Variants in OXCT1 observed in about 807,000 individuals in gnomAD.
OXCT1 encodes the protein 3-oxoacid CoA-transferase 1, also known as succinyl-CoA:3-ketoacid coenzyme A transferase 1, mitochondrial.
A neutral mutation model predicts 69.6 loss-of-function variants in OXCT1; 27 were observed. The ratio of observed to expected loss-of-function variants is 0.39; its 90% CI spans 0.29 to 0.54. The LOEUF (loss-of-function observed/expected upper bound fraction) is 0.54, where lower values mean the gene tolerates loss of function less well. Ranked by LOEUF, OXCT1 falls within the 20% of genes least tolerant of loss-of-function variation. OXCT1 has a pLI of 0.72. For missense variants in OXCT1, 437 were observed against 650.2 expected (o/e 0.67, Z 3.57); for synonymous variants, 202 against 217.8 (o/e 0.93, Z 0.64).
chr5:41,864,832 A>G (rs1286879452), intron 1 of OXCT1, among the ~76,000 whole-genome samples: 12 of 152,072 alleles, frequency 7.9e-5, no homozygotes, highest in Non-Finnish European at 1.5e-5. Context: ...TGAGTGTTCT[A>G]TTTCTTCCTG....
intron 13 of OXCT1, among the ~76,000 whole-genome samples, chr5:41,786,461 C>T (rs1176700741): frequency 6.6e-6 from 1 of 152,160 alleles, no homozygotes; most frequent in Non-Finnish European, 1.5e-5. Flanking sequence ...ATATAACCTT[C>T]TTCAAATGCA....
intron 1 of OXCT1, among the ~76,000 whole-genome samples, chr5:41,868,216 T>G (rs1328772427): frequency 6.6e-6 from 1 of 152,228 alleles, no homozygotes; most frequent in African/African-American, 2.4e-5. Context: ...GTGGAAAAAC[T>G]CAAGGTTTCT....
At chr5:41,769,150 T>G (rs78760911) in intron 13 of OXCT1, among the ~76,000 whole-genome samples, 1 of 152,286 alleles carries the variant, frequency 6.6e-6, no homozygotes, top group East Asian at 1.9e-4. Flanking sequence ...TATTCCCATT[T>G]TAAAATTTAC....
intron 15 of OXCT1, 114 bp from the exon 16 acceptor site, chr5:41,739,605 C>T (rs1939607503): frequency 1.3e-6 from 1 of 757,974 alleles, no homozygotes; most frequent in Admixed American, 2.0e-5. Flanking sequence ...GTGGCTCAGG[C>T]CTATAATCCC....
rs546646302 is a variant in OXCT1 at position 41,782,219 on chromosome 5, C to CTT, written c.1248+11782_1248+11783dup. ...TTCTCTAATGATCAGTGATGTTGAG[C>CTT]TTTTTTTTTTTTTTAAATGGAGTCT... On this transcript the variant is annotated intron_variant, in intron 13 of 16. Transcript: ENST00000196371. Among the ~76,000 whole-genome samples the CTT allele has an allele frequency of 8.8e-5, 12 of 136,600 alleles. 1 individual carries two copies. Among genetic ancestry groups the CTT allele is most frequent in the South Asian group, 2.4e-4 (1 of 4,232 alleles). 89.6% of individuals were successfully genotyped at this position (136,600 alleles called of 152,430 possible).
At chr5:41,770,002 C>T (rs548425741) in intron 13 of OXCT1, among the ~76,000 whole-genome samples, 6 of 152,238 alleles carry the variant, frequency 3.9e-5, no homozygotes, top group African/African-American at 1.2e-4. Context: ...TCAGGTGATC[C>T]GCCTGCCTTG....
chr5:41,843,105 T>A (rs1254737174), intron 5 of OXCT1, among the ~76,000 whole-genome samples: 1 of 152,188 alleles, frequency 6.6e-6, no homozygotes, highest in African/African-American at 2.4e-5. Context: ...ATATTGAATG[T>A]GAAAAATAGT....
chr5:41,861,776 G>A (rs959149053), intron 2 of OXCT1, among the ~76,000 whole-genome samples: 7 of 152,112 alleles, frequency 4.6e-5, no homozygotes, highest in African/African-American at 1.7e-4. Context: ...TTGCATAGTT[G>A]GAAGCCTAAG....
chr5:41,866,895 A>G (rs1750005462), intron 1 of OXCT1, among the ~76,000 whole-genome samples: 1 of 152,220 alleles, frequency 6.6e-6, no homozygotes, highest in Non-Finnish European at 1.5e-5. Context: ...ACTTGTCAGG[A>G]CAGTGATTCC....
chr5:41,803,302 A>ATT, intron 9 of OXCT1, 139 bp from the exon 10 acceptor site: 2 of 620,674 alleles, frequency 3.2e-6, no homozygotes, highest in South Asian at 4.0e-5. Context: ...ATATTCTCCA[A>ATT]TCACCCATGG....
Position 41,840,339 on chromosome 5 carries a change from A to G in OXCT1, c.732+112T>C, listed in dbSNP as rs1182142513. The G allele has an allele frequency of 4.8e-6, 4 of 837,978 alleles. No individual in the cohort carries two copies. In the African/African-American group the frequency reaches 6.9e-5, roughly 14 times the overall value. The allele number at this position is 837,978 out of a possible 1,614,324, so 51.9% of individuals were successfully genotyped here. The stretch of plus-strand genomic sequence containing the variant: ...ATGGATCCATTTCCAAAACAAAAAA[A>G]AAAGCTGTCATTGTTATCCATAAAA... On this transcript the variant is annotated intron_variant, in intron 7 of 16. Transcript: ENST00000196371.
Position 41,788,051 on chromosome 5 carries a change from CA to C in OXCT1, c.1248+5951del, listed in dbSNP as rs371073371. Among the ~76,000 whole-genome samples the C allele has an allele frequency of 5.1e-4, 78 of 152,126 alleles. 2 individuals carry two copies. Among genetic ancestry groups the C allele is most frequent in the African/African-American group, 1.4e-3 (58 of 41,510 alleles). ...TAAAAAGATAGTCGAGTGTTTAGAG[CA>C]AAAATAATAGCGAAGTATAAGGTTT... On this transcript the variant is annotated intron_variant, in intron 13 of 16. Transcript: ENST00000196371.
intron 15 of OXCT1, among the ~76,000 whole-genome samples, chr5:41,741,600 C>T (rs1743173202): frequency 6.6e-6 from 1 of 152,104 alleles, no homozygotes; most frequent in Non-Finnish European, 1.5e-5. Context: ...TATGTGATGC[C>T]AGATCAAAGC....
chr5:41,759,223 G>T (rs891302928), intron 14 of OXCT1, among the ~76,000 whole-genome samples: 1 of 151,942 alleles, frequency 6.6e-6, no homozygotes, highest in Non-Finnish European at 1.5e-5. Context: ...TCAAATTCCA[G>T]CTCTGTCACT....
At chr5:41,829,076 T>C (rs981617940) in intron 7 of OXCT1, among the ~76,000 whole-genome samples, 1 of 152,162 alleles carries the variant, frequency 6.6e-6, no homozygotes, top group African/African-American at 2.4e-5. Flanking sequence ...CCACACTAGT[T>C]CAACAGGCTC....
chr5:41,866,894 G>C (rs548866769), intron 1 of OXCT1, among the ~76,000 whole-genome samples: 2 of 152,306 alleles, frequency 1.3e-5, no homozygotes, highest in South Asian at 4.1e-4. Flanking sequence ...TACTTGTCAG[G>C]ACAGTGATTC....
intron 13 of OXCT1, among the ~76,000 whole-genome samples, chr5:41,789,592 A>G (rs1008034466): frequency 1.3e-5 from 2 of 152,224 alleles, no homozygotes; most frequent in Non-Finnish European, 2.9e-5. Flanking sequence ...TTTAAGCTCA[A>G]GTCTGTCTAA....
rs114713832 is a variant in OXCT1, at chr5:41,748,854, C to T, written c.1419+673G>A. ...CAAGGTACTGAATCAAGAAAACACACCCTCCCAGCTGACTTAAAAGCAGTA... is the reference window on the plus strand; with the variant it reads ...CAAGGTACTGAATCAAGAAAACACATCCTCCCAGCTGACTTAAAAGCAGTA... On this transcript the variant is annotated intron_variant, in intron 15 of 16. Coordinates refer to ENST00000196371, the MANE Select transcript of OXCT1 (RefSeq NM_000436.4). Among the ~76,000 whole-genome samples the T allele has an allele frequency of 6.9e-3, 1,057 of 152,122 alleles. 10 individuals carry two copies. Among genetic ancestry groups the T allele is most frequent in the African/African-American group, 0.024 (1,005 of 41,524 alleles).
chr5:41,731,972 C>T (rs1011716244), intron 16 of OXCT1, among the ~76,000 whole-genome samples: 1 of 152,100 alleles, frequency 6.6e-6, no homozygotes. Context: ...AGTTCTCAAC[C>T]TTCTTGTATT....
Sources: gnomAD v4.1 joint callset for allele counts (sites outside exome capture counted in the v4.1 genomes callset) on GRCh38, gnomAD v4.1.1 for gene constraint, MANE v1.5 for transcripts, NCBI Gene and HGNC (gene_info 2026-07-23, HGNC 2026-07-21) for gene names.